The following MARK2 variants were observed in gnomAD, a reference collection of about 807,000 sequenced individuals.
MARK2 encodes the protein microtubule affinity regulating kinase 2.
Under a neutral mutation model 89.8 loss-of-function variants are expected in MARK2, and 16 were observed. That is an observed-to-expected ratio of 0.18 (90% CI 0.12 to 0.27). The LOEUF is 0.27. MARK2 is among the 10% of genes least tolerant of loss of function. MARK2 has a pLI of 1.00. For synonymous variants in MARK2, 382 were observed against 399.5 expected, an observed-to-expected ratio of 0.96 and a Z score of 0.52; for missense variants, 621 against 1,049.9, an observed-to-expected ratio of 0.59 and a Z score of 5.65.
chr11:63,859,389 G>A (rs1014748448), intron 1 of MARK2, among the ~76,000 whole-genome samples: 9 of 148,994 alleles, frequency 6.0e-5, no homozygotes, highest in Non-Finnish European at 8.9e-5. Context: ...GCACGATCTC[G>A]GCCCACGGCA....
chr11:63,877,654 C>G (rs897446917), intron 1 of MARK2, among the ~76,000 whole-genome samples: 5 of 151,768 alleles, frequency 3.3e-5, no homozygotes, highest in Non-Finnish European at 7.4e-5. Flanking sequence ...GAGCCAAGAT[C>G]GCGCCACTGC....
Position 63,895,246 on chromosome 11 carries a change from C to T in MARK2, c.142C>T (p.Pro48Ser). 1 of 1,614,150 alleles carries T rather than the reference C, an allele frequency of 6.2e-7. No homozygotes were observed. The highest frequency in any genetic ancestry group is 1.1e-5 in the South Asian group (1 of 91,078). Residue 48 changes from proline (P) to serine (S), a missense_variant, in exon 2 of 19, where the codon CCC (proline) becomes TCC (serine). Pro to Ser is a moderately conservative substitution (Grantham distance 74). Around this residue, in one of 5 missense-constraint regions of MARK2, gnomAD observed 60 missense variants for 73.2 expected, o/e 0.82. Coordinates refer to ENST00000402010, the MANE Select transcript of MARK2 (RefSeq NM_001039469.3). ...CTCAGCCACCTCTGCTGATGAGCAG[C>T]CCCACATTGGAAACTACCGGCTCCT... ...RNSATSADEQ[P>S]HIGNYRLLKT...
chr11:63,882,588 A>T (rs1939162284), intron 1 of MARK2: 1 of 152,236 alleles, frequency 6.6e-6, no homozygotes, highest in African/African-American at 2.4e-5. Context: ...CTGTCTCAAA[A>T]AAAAAAGGAA....
chr11:63,846,274 CG>C (rs1387287589), intron 1 of MARK2, among the ~76,000 whole-genome samples: 1 of 151,822 alleles, frequency 6.6e-6, no homozygotes, highest in Admixed American at 6.6e-5. Flanking sequence ...CCCAGCACTT[CG>C]GGAGGCCACG....
At chr11:63,846,804 C>T (rs572324574) in intron 1 of MARK2, among the ~76,000 whole-genome samples, 14 of 152,056 alleles carry the variant, frequency 9.2e-5, no homozygotes, top group African/African-American at 2.4e-4. Context: ...TACAGGTGCC[C>T]GCCACCACAC....
chr11:63,845,911 T>G (rs1027883216), intron 1 of MARK2, among the ~76,000 whole-genome samples: 1 of 151,904 alleles, frequency 6.6e-6, no homozygotes, highest in Non-Finnish European at 1.5e-5. Context: ...TTAGTAGAGA[T>G]AGGGTTTCAC....
At chr11:63,865,960 A>G (rs1938105339) in intron 1 of MARK2, among the ~76,000 whole-genome samples, 1 of 152,156 alleles carries the variant, frequency 6.6e-6, no homozygotes, top group Non-Finnish European at 1.5e-5. Flanking sequence ...TGGGTGGTGA[A>G]TAATGTCTCT....
At chr11:63,901,286 G>T (rs1475479519) in intron 11 of MARK2, among the ~76,000 whole-genome samples, 1 of 152,052 alleles carries the variant, frequency 6.6e-6, no homozygotes, top group Non-Finnish European at 1.5e-5. Flanking sequence ...TGTGGGACTG[G>T]GTCAGAGTTT....
intron 1 of MARK2, among the ~76,000 whole-genome samples, chr11:63,868,026 C>A (rs1348744081): frequency 1.3e-5 from 2 of 152,114 alleles, no homozygotes; most frequent in African/African-American, 4.8e-5. Context: ...CTTCGGACAC[C>A]CAGAAACTGT....
chr11:63,902,772 C>A lies in MARK2; in HGVS notation c.1406C>A (p.Thr469Asn), dbSNP rs1416098744. The A allele has an allele frequency of 1.2e-6, 2 of 1,611,552 alleles. No individual in the cohort carries two copies. The highest frequency in any genetic ancestry group is 1.1e-5 in the South Asian group (1 of 91,012). ...PGLERKKTTPTPSTNSVLSTS... is the reference protein window; with the variant it reads ...PGLERKKTTPNPSTNSVLSTS... ...CTGGAGAGGAAGAAGACCACCCCAA[C>A]CCCCTCCACGGTGAGCCGCACCCCC... Residue 469 changes from threonine (T) to asparagine (N), a missense_variant, in exon 13 of 19, where the codon ACC (threonine) becomes AAC (asparagine). Around this residue, in one of 5 missense-constraint regions of MARK2, gnomAD observed 397 missense variants for 567.8 expected, o/e 0.70. Transcript: ENST00000402010. The surrounding 1 kb of genome is among the most constrained non-coding windows in gnomAD (Gnocchi z 4.2).
chr11:63,909,288 C>G lies in MARK2; in HGVS notation c.*51C>G. 2 of 1,487,774 alleles carry G rather than the reference C, an allele frequency of 1.3e-6. No individual in the cohort carries two copies. Among genetic ancestry groups the G allele is most frequent in the Non-Finnish European group, 1.8e-6 (2 of 1,115,318 alleles). The allele number at this position is 1,487,774 out of a possible 1,614,324, so 92.2% of individuals were successfully genotyped here. A position where few individuals can be genotyped will look rare whatever the true frequency, so the allele number is the denominator to read the frequency against. On this transcript the variant is annotated 3_prime_UTR_variant, in exon 19 of 19. Coordinates refer to ENST00000402010, the MANE Select transcript of MARK2 (RefSeq NM_001039469.3). ...GGGGCGGGCCAGCTGGACGGGCTGCCGGCCGCTGCGCCGCCCCACCTGGGC... is the reference window on the plus strand; with the variant it reads ...GGGGCGGGCCAGCTGGACGGGCTGCGGGCCGCTGCGCCGCCCCACCTGGGC...
chr11:63,882,977 C>G (rs1206608196), intron 1 of MARK2, among the ~76,000 whole-genome samples: 1 of 152,220 alleles, frequency 6.6e-6, no homozygotes, highest in Non-Finnish European at 1.5e-5. Flanking sequence ...CCCACCACCC[C>G]CATCCCCCAG....
intron 1 of MARK2, chr11:63,890,095 C>T (rs2135311569): frequency 2.3e-6 from 1 of 443,878 alleles, no homozygotes; most frequent in East Asian, 7.0e-5. Flanking sequence ...CATACTCTTA[C>T]CTCTTTATCC....
Position 63,903,242 on chromosome 11 carries a change from C to T in MARK2, c.1514+84C>T, listed in dbSNP as rs1339852928. 9.4e-7 allele frequency: 1 copy of T among 1,066,992 alleles called. No homozygotes were observed. Among genetic ancestry groups the T allele is most frequent in the South Asian group, 1.3e-5 (1 of 78,810 alleles). 66.1% of individuals were successfully genotyped at this position (1,066,992 alleles called of 1,614,324 possible). Reference sequence around the variant, plus strand: ...GTCTGTCAGCAGCACCGTCTCCTGTCCCTGCCAGCGCATTGCTCCCTGCTC... The same window carrying T: ...GTCTGTCAGCAGCACCGTCTCCTGTTCCTGCCAGCGCATTGCTCCCTGCTC... On this transcript the variant is annotated intron_variant, in intron 14 of 18. Coordinates refer to ENST00000402010, the MANE Select transcript of MARK2 (RefSeq NM_001039469.3). The surrounding 1 kb of genome is among the most constrained non-coding windows in gnomAD (Gnocchi z 5.1).
At chr11:63,842,567 C>T (rs1590952368) in intron 1 of MARK2, among the ~76,000 whole-genome samples, 1 of 152,068 alleles carries the variant, frequency 6.6e-6, no homozygotes, top group Non-Finnish European at 1.5e-5. Flanking sequence ...GTCACAAGGC[C>T]AGGTATATCA....
intron 1 of MARK2, among the ~76,000 whole-genome samples, chr11:63,859,391 C>T (rs1265180043): frequency 1.3e-5 from 2 of 151,836 alleles, no homozygotes; most frequent in East Asian, 3.9e-4. Context: ...ACGATCTCGG[C>T]CCACGGCAAC....
chr11:63,844,217 T>C (rs1209570483), intron 1 of MARK2, among the ~76,000 whole-genome samples: 1 of 152,244 alleles, frequency 6.6e-6, no homozygotes, highest in African/African-American at 2.4e-5. Flanking sequence ...CCATGGCTCA[T>C]GCCTGTAGTC....
intron 1 of MARK2, chr11:63,868,631 G>C: frequency 2.7e-6 from 1 of 365,390 alleles, no homozygotes; most frequent in South Asian, 2.0e-5. Context: ...CCTGGAGTGG[G>C]GACCAGAGCC....
intron 1 of MARK2, among the ~76,000 whole-genome samples, chr11:63,849,171 C>T (rs576805651): frequency 2.0e-5 from 3 of 152,304 alleles, no homozygotes; most frequent in Admixed American, 2.0e-4. Context: ...CCCCCTCAAC[C>T]TTCTGGACTT....
Sources: allele counts gnomAD v4.1 joint callset (sites outside exome capture counted in the v4.1 genomes callset), GRCh38; gene constraint gnomAD v4.1.1; regional missense constraint gnomAD v4.1.1; non-coding constraint Gnocchi (gnomAD v3.1); transcripts MANE v1.5; gene names NCBI Gene and HGNC (gene_info 2026-07-23, HGNC 2026-07-21).